Variants in RASGRF1 observed in about 807,000 individuals in gnomAD.
The protein encoded by RASGRF1 is Ras protein specific guanine nucleotide releasing factor 1.
A neutral mutation model predicts 138.7 loss-of-function variants in RASGRF1; 40 were observed. The observed-to-expected ratio is 0.29, with a 90% CI of 0.22 to 0.38. The LOEUF is 0.38. Among genes scored for constraint, RASGRF1 ranks in the 10% least tolerant of loss-of-function variants. The probability of loss-of-function intolerance (pLI) is 1.00; values close to 1 mark genes in which losing one functional copy is unlikely to be tolerated. For synonymous variants in RASGRF1, 614 were observed against 663.2 expected (o/e 0.93, Z 1.14); for missense variants, 1,108 against 1,650.4 (o/e 0.67, Z 5.69).
intron 3 of RASGRF1, among the ~76,000 whole-genome samples, chr15:79,053,526 A>G (rs1022553203): frequency 3.3e-5 from 5 of 152,210 alleles, no homozygotes; most frequent in Admixed American, 2.6e-4. Flanking sequence ...GGAGGGGAGG[A>G]GTCTTCTCAT....
In RASGRF1 at chr15:78,998,705, G is replaced by A. The variant is rs754492767; in HGVS notation, c.2853+14C>T. 3.7e-6 allele frequency: 6 copies of A among 1,603,212 alleles called. No individual in the cohort carries two copies. The African/African-American group carries it at 8.0e-5, about 21-fold the overall frequency. ...TGGTCCCCAGCAGCCTGCCCAGGGA[G>A]GGCTCCCACCCACCTGAGAGTGCTT... is the stretch of plus-strand genomic sequence containing the variant. On this transcript the variant is annotated intron_variant, in intron 18 of 26. Coordinates refer to ENST00000558480, the MANE Select transcript of RASGRF1 (RefSeq NM_001145648.3).
intron 3 of RASGRF1, among the ~76,000 whole-genome samples, chr15:79,054,746 G>A (rs188627911): frequency 2.0e-5 from 3 of 152,326 alleles, no homozygotes; most frequent in East Asian, 3.9e-4. Context: ...TTCAGATTTG[G>A]AGGGTGTTAC....
Position 79,005,658 on chromosome 15 carries a change from A to AGGGCTCCAT in RASGRF1, c.2075+519_2075+527dup, listed in dbSNP as rs1360681854. 4 of 987,976 alleles carry AGGGCTCCAT rather than the reference A, an allele frequency of 4.0e-6. No homozygotes were observed. In the East Asian group the frequency reaches 3.3e-4, roughly 81 times the overall value. 61.2% of individuals were successfully genotyped at this position (987,976 alleles called of 1,614,324 possible). On this transcript the variant is annotated intron_variant, in intron 14 of 26. Transcript: ENST00000558480. Reference sequence around the variant, plus strand: ...TTGACTCACCCCAAGTAGGCCAAAAAGGGCTCCATCATTTCTTAGAGTAGG... The same window carrying AGGGCTCCAT: ...TTGACTCACCCCAAGTAGGCCAAAAAGGGCTCCATGGGCTCCATCATTTCTTAGAGTAGG...
chr15:79,047,980 C>G (rs1470927659), intron 4 of RASGRF1, among the ~76,000 whole-genome samples: 1 of 144,918 alleles, frequency 6.9e-6, no homozygotes, highest in African/African-American at 2.5e-5. Context: ...AGAGCTATCT[C>G]TGAAGATAGG....
At chr15:79,010,936 C>G (rs761024199) in intron 13 of RASGRF1, among the ~76,000 whole-genome samples, 1 of 152,170 alleles carries the variant, frequency 6.6e-6, no homozygotes, top group Non-Finnish European at 1.5e-5. Flanking sequence ...ACTCGGGACA[C>G]GTGGGGCGTA....
chr15:79,052,496 G>A (rs1410348393), intron 3 of RASGRF1, among the ~76,000 whole-genome samples: 5 of 152,120 alleles, frequency 3.3e-5, no homozygotes, highest in Admixed American at 1.3e-4. Flanking sequence ...TTATCAGCAT[G>A]CTCTGATGGT....
chr15:78,985,637 C>A (rs573023690), intron 22 of RASGRF1: 1 of 163,174 alleles, frequency 6.1e-6, no homozygotes, highest in East Asian at 1.8e-4. Context: ...ACACTCAGGC[C>A]AGGCGCGGTG....
chr15:78,961,025 G>C lies in RASGRF1; in HGVS notation c.*1119C>G, dbSNP rs1265310396. The C allele has an allele frequency of 2.6e-5, 4 of 152,224 alleles. No individual in the cohort carries two copies. The highest frequency in any genetic ancestry group is 9.6e-5 in the African/African-American group (4 of 41,464). 9.4% of individuals were successfully genotyped at this position (152,224 alleles called of 1,614,324 possible). ...TTGAAATATTTTAGGACTTGAAATA[G>C]AATTCTCATACCACTAGGTATTGCT... On this transcript the variant is annotated 3_prime_UTR_variant, in exon 27 of 27. Transcript: ENST00000558480.
chr15:79,045,726 C>T (rs374642848), intron 5 of RASGRF1, among the ~76,000 whole-genome samples: 2 of 152,198 alleles, frequency 1.3e-5, no homozygotes, highest in East Asian at 1.9e-4. Flanking sequence ...TACATCCCCA[C>T]GCTGGGGTGT....
chr15:79,055,200 C>T (rs1418626372), intron 3 of RASGRF1, among the ~76,000 whole-genome samples: 1 of 152,138 alleles, frequency 6.6e-6, no homozygotes, highest in Non-Finnish European at 1.5e-5. Flanking sequence ...AGTCTAAGAC[C>T]CTGGGCCTTC....
chr15:79,040,409 C>G (rs1326468071), intron 5 of RASGRF1, among the ~76,000 whole-genome samples: 1 of 152,188 alleles, frequency 6.6e-6, no homozygotes, highest in Non-Finnish European at 1.5e-5. Context: ...GTGGATTCAT[C>G]TCTTAAAAAT....
chr15:79,037,450 T>G (rs1049805965), intron 5 of RASGRF1, among the ~76,000 whole-genome samples: 1 of 151,220 alleles, frequency 6.6e-6, no homozygotes, highest in African/African-American at 2.4e-5. Context: ...TTATTTCTAT[T>G]ATTATTATTA....
At chr15:78,971,782 G>A (rs188786725) in intron 26 of RASGRF1, 84 bp downstream of exon 26, 87 of 1,232,214 alleles carry the variant, frequency 7.1e-5, no homozygotes, top group Middle Eastern at 5.9e-4. Context: ...GAAAGTGGAC[G>A]GGTATGGAGG....
intron 26 of RASGRF1, among the ~76,000 whole-genome samples, chr15:78,970,621 C>CAAAAAAAAAAAAAAAAAAAAAAAAA (rs55689628): frequency 1.7e-5 from 1 of 57,902 alleles, no homozygotes; most frequent in Non-Finnish European, 3.5e-5. Context: ...GACTCTGTCT[C>CAAAAAAAAAAAAAAAAAAAAAAAAA]AAAAAAAAAA....
rs374996155 is a variant in RASGRF1, at chr15:79,090,213, C to G, written c.276+10G>C. The stretch of plus-strand genomic sequence containing the variant: ...GACGCAGGGAGGTCAGGACGCGACG[C>G]TCGCCTCACCTGTTTCTCCAGCGGC... On this transcript the variant is annotated intron_variant, in intron 1 of 26. Coordinates refer to ENST00000558480, the MANE Select transcript of RASGRF1 (RefSeq NM_001145648.3). 747 of 1,592,916 alleles carry G rather than the reference C, an allele frequency of 4.7e-4. 4 individuals are homozygous for G. The South Asian group carries it at 7.9e-3, about 17-fold the overall frequency.
chr15:79,001,687 T>A lies in RASGRF1; in HGVS notation c.2550A>T (p.Lys850Asn). 6.2e-7 allele frequency: 1 copy of A among 1,612,774 alleles called. No individual in the cohort carries two copies. The highest frequency in any genetic ancestry group is 2.2e-5 in the East Asian group (1 of 44,864). ...CTGAAGAATTTTTGTTTTTGACTGA[T>A]TTGGGTGTTGTTGGAGATTTAGTTG... ...TSPTKSPTTPKSVKNKNSSEF... is the reference protein window; with the variant it reads ...TSPTKSPTTPNSVKNKNSSEF... The change falls in exon 16 of 27, where the codon AAA (lysine) becomes AAT (asparagine). Residue 850 changes from lysine to asparagine, a missense_variant. Physicochemically the swap from Lys to Asn is moderately conservative, Grantham distance 94 (BLOSUM62 0). Coordinates refer to ENST00000558480, the MANE Select transcript of RASGRF1 (RefSeq NM_001145648.3).
chr15:79,086,209 T>C (rs2057977532), intron 1 of RASGRF1, among the ~76,000 whole-genome samples: 1 of 152,228 alleles, frequency 6.6e-6, no homozygotes, highest in Admixed American at 6.5e-5. Flanking sequence ...CCCAGGGTTC[T>C]GTGTCTAAGG....
At chr15:79,016,393 C>G (rs546092110) in intron 12 of RASGRF1, among the ~76,000 whole-genome samples, 22 of 152,378 alleles carry the variant, frequency 1.4e-4, no homozygotes, top group Non-Finnish European at 2.9e-4. Flanking sequence ...CTGACAATCT[C>G]TCTAGCTTTG....
intron 1 of RASGRF1, 138 bp downstream of exon 1, chr15:79,090,085 T>G: frequency 7.9e-7 from 1 of 1,260,078 alleles, no homozygotes; most frequent in African/African-American, 1.5e-5. Context: ...GCCTCCCCTC[T>G]CGCTGAGGGT....
Sources: gnomAD v4.1 joint callset for allele counts (sites outside exome capture counted in the v4.1 genomes callset) on GRCh38, gnomAD v4.1.1 for gene constraint, MANE v1.5 for transcripts, NCBI Gene and HGNC (gene_info 2026-07-23, HGNC 2026-07-21) for gene names.